The following ELAVL2 variants were observed in gnomAD, a reference collection of about 807,000 sequenced individuals.
The protein encoded by ELAVL2 is ELAV-like protein 2.
In ELAVL2, 4 loss-of-function variants were observed where a neutral mutation model predicts 34.6. The ratio of observed to expected loss-of-function variants is 0.12; its 90% CI spans 0.06 to 0.26. The LOEUF is 0.26. Ranked by LOEUF, ELAVL2 falls within the 10% of genes least tolerant of loss-of-function variation. ELAVL2 has a pLI of 1.00. For missense variants in ELAVL2, 432 were observed against 442.8 expected, an observed-to-expected ratio of 0.98 and a Z score of 0.22; for synonymous variants, 193 against 154.8, an observed-to-expected ratio of 1.25 and a Z score of -1.83.
At position 23,758,818 on chromosome 9, in the gene ELAVL2, G is replaced by A. The variant is rs560762736; in HGVS notation, c.229+3188C>T. On this transcript the variant is annotated intron_variant, in intron 2 of 6. Coordinates refer to ENST00000397312, the MANE Select transcript of ELAVL2 (RefSeq NM_004432.5). Reference sequence around the variant, plus strand: ...CATAGTTCTTAATACAGTGATTATCGAGTATGGATCTTAAATAAAGAACTA... The same window carrying A: ...CATAGTTCTTAATACAGTGATTATCAAGTATGGATCTTAAATAAAGAACTA... Among the ~76,000 whole-genome samples, 133 of 152,086 alleles carry A rather than the reference G, an allele frequency of 8.7e-4. No individual in the cohort carries two copies. The Middle Eastern group carries it at 0.01, about 12-fold the overall frequency.
chr9:23,692,399 G>T lies in ELAVL2; in HGVS notation c.*158C>A. On this transcript the variant is annotated 3_prime_UTR_variant, in exon 7 of 7. Transcript: ENST00000397312. ...TTAAGAAGTTTTAATTCAAATACTAGCAATAAAAAATCTCACATATTTCTT... is the reference window on the plus strand; with the variant it reads ...TTAAGAAGTTTTAATTCAAATACTATCAATAAAAAATCTCACATATTTCTT... 1 of 731,408 alleles carries T rather than the reference G, an allele frequency of 1.4e-6. No homozygotes were observed. The highest frequency in any genetic ancestry group is 2.2e-6 in the Non-Finnish European group (1 of 462,908). The allele number at this position is 731,408 out of a possible 1,614,324, so 45.3% of individuals were successfully genotyped here.
chr9:23,772,067 G>C (rs932133573), intron 1 of ELAVL2, among the ~76,000 whole-genome samples: 2 of 152,174 alleles, frequency 1.3e-5, no homozygotes, highest in Admixed American at 1.3e-4. Flanking sequence ...CAGAGGTTTT[G>C]TTTGGTATAG....
At chr9:23,809,909 T>A (rs1224896440) in intron 1 of ELAVL2, among the ~76,000 whole-genome samples, 1 of 152,210 alleles carries the variant, frequency 6.6e-6, no homozygotes, top group Non-Finnish European at 1.5e-5. Flanking sequence ...GAACAATCTT[T>A]ACTGGGTGAA....
chr9:23,736,110 T>G (rs986181055), intron 2 of ELAVL2, among the ~76,000 whole-genome samples: 1 of 152,190 alleles, frequency 6.6e-6, no homozygotes, highest in Non-Finnish European at 1.5e-5. Context: ...ATTTAGTCTT[T>G]TCTATTTTAA....
chr9:23,816,319 A>T (rs1387636557), intron 1 of ELAVL2, among the ~76,000 whole-genome samples: 13 of 73,754 alleles, frequency 1.8e-4, no homozygotes, highest in African/African-American at 1.4e-3. Flanking sequence ...GCTTTCAGTA[A>T]AAAAAAAAAA....
intron 3 of ELAVL2, among the ~76,000 whole-genome samples, chr9:23,714,669 C>T (rs1234887245): frequency 2.6e-5 from 4 of 152,220 alleles, no homozygotes; most frequent in African/African-American, 7.2e-5. Context: ...TTTGGATAGA[C>T]AGTAGTAGAA....
In ELAVL2 at chr9:23,690,918, G is replaced by T. The variant is rs1310903771; in HGVS notation, c.*1639C>A. On this transcript the variant is annotated 3_prime_UTR_variant, in exon 7 of 7. Coordinates refer to ENST00000397312, the MANE Select transcript of ELAVL2 (RefSeq NM_004432.5). ...TTATTTTATTATTTCCCCAAATAGT[G>T]GTTTTTAAGCATCATACAAAGTTAA... 3.3e-5 allele frequency: 5 copies of T among 152,356 alleles called. No homozygotes were observed. Among genetic ancestry groups the T allele is most frequent in the African/African-American group, 1.2e-4 (5 of 41,364 alleles). The allele number at this position is 152,356 out of a possible 1,614,324, so 9.4% of individuals were successfully genotyped here. A position where few individuals can be genotyped will look rare whatever the true frequency, so the allele number is the denominator to read the frequency against.
chr9:23,805,955 T>C (rs955519310), intron 1 of ELAVL2, among the ~76,000 whole-genome samples: 3 of 152,252 alleles, frequency 2.0e-5, no homozygotes, highest in South Asian at 2.1e-4. Flanking sequence ...AGAAGCATCA[T>C]TGTATATTTT....
chr9:23,820,131 G>T (rs945338364), intron 1 of ELAVL2, among the ~76,000 whole-genome samples: 1 of 152,174 alleles, frequency 6.6e-6, no homozygotes, highest in South Asian at 2.1e-4. Context: ...AAATTCAAGC[G>T]ACTCTGGCGA....
At chr9:23,817,352 G>A (rs1402522990) in intron 1 of ELAVL2, among the ~76,000 whole-genome samples, 3 of 151,890 alleles carry the variant, frequency 2.0e-5, no homozygotes, top group East Asian at 1.9e-4. Flanking sequence ...ACTCCTCAAA[G>A]CCCCCATCCT....
intron 1 of ELAVL2, among the ~76,000 whole-genome samples, chr9:23,817,117 T>A (rs1386217707): frequency 1.3e-5 from 2 of 152,172 alleles, no homozygotes; most frequent in Non-Finnish European, 2.9e-5. Context: ...TCAAGTTTTT[T>A]AAAATACATT....
At chr9:23,742,701 A>G (rs575095940) in intron 2 of ELAVL2, among the ~76,000 whole-genome samples, 3 of 152,348 alleles carry the variant, frequency 2.0e-5, no homozygotes, top group African/African-American at 7.2e-5. Context: ...TAGCAAAGAC[A>G]AAGGAAGTAA....
At chr9:23,730,881 C>G in intron 3 of ELAVL2, 141 bp downstream of exon 3, 1 of 735,330 alleles carries the variant, frequency 1.4e-6, no homozygotes, top group South Asian at 2.1e-5. Flanking sequence ...TTCCATCTTG[C>G]AACAAACACC....
chr9:23,818,264 C>T (rs1221690395), intron 1 of ELAVL2, among the ~76,000 whole-genome samples: 1 of 152,146 alleles, frequency 6.6e-6, no homozygotes, highest in African/African-American at 2.4e-5. Flanking sequence ...ATCAACAAAG[C>T]AGCAATACTG....
At chr9:23,818,928 T>C (rs1261598460) in intron 1 of ELAVL2, among the ~76,000 whole-genome samples, 1 of 152,158 alleles carries the variant, frequency 6.6e-6, no homozygotes, top group African/African-American at 2.4e-5. Flanking sequence ...CAATAATGCC[T>C]GAAAAGCGTC....
At chr9:23,723,805 C>T (rs1442340112) in intron 3 of ELAVL2, among the ~76,000 whole-genome samples, 1 of 152,092 alleles carries the variant, frequency 6.6e-6, no homozygotes, top group East Asian at 1.9e-4. Context: ...AAGGGTTCTG[C>T]CTCAATGACT....
chr9:23,713,738 T>C (rs2041614315), intron 3 of ELAVL2, among the ~76,000 whole-genome samples: 5 of 152,104 alleles, frequency 3.3e-5, no homozygotes, highest in Non-Finnish European at 1.5e-5. Flanking sequence ...GGTTCAAAAA[T>C]ATATTATACA....
the ELAVL2 span, among the ~76,000 whole-genome samples, chr9:23,844,935 AG>A: frequency 6.6e-6 from 1 of 152,098 alleles, no homozygotes; most frequent in Admixed American, 6.6e-5. Flanking sequence ...GGACCTATGC[AG>A]GAACTTTCTT....
chr9:23,850,193 C>T, the ELAVL2 span, among the ~76,000 whole-genome samples: 2 of 151,718 alleles, frequency 1.3e-5, no homozygotes, highest in African/African-American at 2.4e-5. Context: ...TGATCCAAGC[C>T]GCCTTTTGAC....
Sources: gnomAD v4.1 joint callset for allele counts (sites outside exome capture counted in the v4.1 genomes callset) on GRCh38, gnomAD v4.1.1 for gene constraint, MANE v1.5 for transcripts, NCBI Gene and HGNC (gene_info 2026-07-23, HGNC 2026-07-21) for gene names.